Variants in TTLL8 observed in about 807,000 individuals in gnomAD.
TTLL8 encodes the protein tubulin tyrosine ligase like 8.
In TTLL8, 65 loss-of-function variants were observed where a neutral mutation model predicts 77.8. That is an observed-to-expected ratio of 0.84 (90% confidence interval 0.68 to 1.03). The LOEUF is 1.03. Among genes scored for constraint, TTLL8 ranks in the 50% least tolerant of loss-of-function variants. The pLI is 0.00. For synonymous variants in TTLL8, 402 were observed against 422.8 expected (o/e 0.95, Z 0.60); for missense variants, 910 against 1,004.5 (o/e 0.91, Z 1.27).
chr22:50,031,437 GCGGGGCCGCTC>G (rs2061291205), intron 11 of TTLL8, among the ~76,000 whole-genome samples: 1 of 152,164 alleles, frequency 6.6e-6, no homozygotes, highest in African/African-American at 2.4e-5. Flanking sequence ...GCCTGAGTGA[GCGGGGCCGCTC>G]CGCCCGCACG....
chr22:50,031,482 G>C, intron 11 of TTLL8: 1 of 932,670 alleles, frequency 1.1e-6, no homozygotes, highest in Non-Finnish European at 1.3e-6. Context: ...CTTCCTCGGT[G>C]CCGACGAGGC....
At chr22:50,040,422 C>T (rs982898337) in intron 8 of TTLL8, among the ~76,000 whole-genome samples, 1 of 152,244 alleles carries the variant, frequency 6.6e-6, no homozygotes, top group East Asian at 1.9e-4. Flanking sequence ...AAGTCATAAA[C>T]GAGAGAGCAC....
At chr22:50,039,626 G>GT (rs1569228081) in intron 8 of TTLL8, among the ~76,000 whole-genome samples, 1 of 152,240 alleles carries the variant, frequency 6.6e-6, no homozygotes, top group East Asian at 1.9e-4. Context: ...AACAAAACTC[G>GT]TAACTACAGA....
rs753234246 is a variant in TTLL8 at position 50,041,177 on chromosome 22, CAA to C, written c.921+8_921+9del. The C allele has an allele frequency of 4.6e-6, 2 of 431,212 alleles. No individual in the cohort carries two copies. The highest frequency in any genetic ancestry group is 1.7e-4 in the East Asian group (2 of 11,934). The allele number at this position is 431,212 out of a possible 1,614,324, so 26.7% of individuals were successfully genotyped here. A position where few individuals can be genotyped will look rare whatever the true frequency, so the allele number is the denominator to read the frequency against. On this transcript the variant is annotated splice_region_variant and intron_variant, in intron 8 of 13. Coordinates refer to ENST00000266182, the Ensembl canonical transcript of TTLL8. The surrounding 1 kb of genome is among the most constrained non-coding windows in gnomAD (Gnocchi z 4.3). ...GCAGGTGCCCCAGTGGAGAGACAGACAAACCCCACCTGCCTGTCTCGGGCTGT... is the reference window on the plus strand; with the variant it reads ...GCAGGTGCCCCAGTGGAGAGACAGACACCCCACCTGCCTGTCTCGGGCTGT...
intron 8 of TTLL8, among the ~76,000 whole-genome samples, chr22:50,038,666 A>C (rs1041530173): frequency 2.6e-5 from 4 of 152,184 alleles, no homozygotes; most frequent in African/African-American, 4.8e-5. Context: ...TTAAAAAATT[A>C]GCCAGTGTGG....
At chr22:50,050,294 GA>G (rs2061437614) in intron 1 of TTLL8, 47 bp from the exon 4 acceptor site, 1 of 1,286,196 alleles carries the variant, frequency 7.8e-7, no homozygotes. Context: ...CATTTTTGGG[GA>G]ATAGGCAGAT....
chr22:50,027,437 G>A (rs1393699512), intron 12 of TTLL8, among the ~76,000 whole-genome samples: 1 of 151,622 alleles, frequency 6.6e-6, no homozygotes, highest in Non-Finnish European at 1.5e-5. Flanking sequence ...AGGAGGCTGA[G>A]GCAGGAGAAT....
At chr22:50,019,452 A>C (rs978174077) in intron 12 of TTLL8, among the ~76,000 whole-genome samples, 1 of 152,176 alleles carries the variant, frequency 6.6e-6, no homozygotes, top group African/African-American at 2.4e-5. Context: ...TGGCCAGTAG[A>C]ATATAGGGGC....
intron 8 of TTLL8, among the ~76,000 whole-genome samples, chr22:50,037,226 A>C (rs1408017568): frequency 6.7e-6 from 1 of 149,464 alleles, no homozygotes; most frequent in Non-Finnish European, 1.5e-5. Context: ...TTTTTTTGAG[A>C]CAGAGTCTTG....
chr22:50,022,211 T>G lies in TTLL8; in HGVS notation c.2204-5649A>C, dbSNP rs550265995. On this transcript the variant is annotated intron_variant, in intron 12 of 13. Transcript: ENST00000266182. ...CACTCCTCCATCTGACGACGTGCAC[T>G]CCTACATCTGACATGCACTCCTCCT... is the stretch of plus-strand genomic sequence containing the variant. 2.0e-5 allele frequency among the ~76,000 whole-genome samples: 3 copies of G among 151,480 alleles called. No homozygotes were observed. The East Asian group carries it at 5.9e-4, about 30-fold the overall frequency.
intron 8 of TTLL8, among the ~76,000 whole-genome samples, chr22:50,040,710 CAAG>C (rs1195032194): frequency 6.6e-6 from 1 of 152,218 alleles, no homozygotes; most frequent in African/African-American, 2.4e-5. Context: ...GATTAATTCA[CAAG>C]AAGAAGAAAG....
At chr22:50,026,154 G>A (rs2092630600) in intron 12 of TTLL8, among the ~76,000 whole-genome samples, 1 of 152,166 alleles carries the variant, frequency 6.6e-6, no homozygotes, top group Non-Finnish European at 1.5e-5. Flanking sequence ...GACCAGGCGG[G>A]CTCTGGCACA....
Position 50,046,077 on chromosome 22 carries a change from C to T in TTLL8, c.394-107G>A, listed in dbSNP as rs1330399086. On this transcript the variant is annotated intron_variant, in intron 4 of 13. Transcript: ENST00000266182. Reference sequence around the variant, plus strand: ...ACCTCAGACTTGCCTGGCTATGGGGCACCACACAGCACCCCTAGGGCGGAT... The same window carrying T: ...ACCTCAGACTTGCCTGGCTATGGGGTACCACACAGCACCCCTAGGGCGGAT... 19 of 974,902 alleles carry T rather than the reference C, an allele frequency of 1.9e-5. No individual in the cohort carries two copies. The South Asian group carries it at 2.0e-4, about 11-fold the overall frequency. 60.4% of individuals were successfully genotyped at this position (974,902 alleles called of 1,614,324 possible).
At chr22:50,045,056 C>T (rs376723600) in intron 6 of TTLL8, 199 bp downstream of exon 8, 12 of 336,392 alleles carry the variant, frequency 3.6e-5, no homozygotes, top group South Asian at 1.2e-4. Context: ...GCTTTACAAA[C>T]GGGGTGACTT....
intron 10 of TTLL8, among the ~76,000 whole-genome samples, chr22:50,032,921 TC>T (rs901986085): frequency 2.0e-5 from 3 of 151,994 alleles, no homozygotes; most frequent in African/African-American, 4.8e-5. Flanking sequence ...ACCATTCCAA[TC>T]CCCCTGGGCA....
chr22:50,057,443 G>T (rs1163860249), upstream of TTLL8, among the ~76,000 whole-genome samples: 1 of 74,928 alleles, frequency 1.3e-5, no homozygotes, highest in Non-Finnish European at 2.6e-5. Flanking sequence ...GGTCTGGGTT[G>T]GGGGTCAGGT....
rs576923762 is a variant in TTLL8 at position 50,037,597 on chromosome 22, G to A, written c.922-3135C>T. Among the ~76,000 whole-genome samples, 19 of 150,956 alleles carry A rather than the reference G, an allele frequency of 1.3e-4. No homozygotes were observed. The South Asian group carries it at 2.3e-3, about 18-fold the overall frequency. On this transcript the variant is annotated intron_variant, in intron 8 of 13. Coordinates refer to ENST00000266182, the Ensembl canonical transcript of TTLL8. The stretch of plus-strand genomic sequence containing the variant: ...AGAATTCAAGGTACATTTTTTTTTC[G>A]TATGGCTGACCACTGTTTAAGCATC...
intron 1 of TTLL8, among the ~76,000 whole-genome samples, chr22:50,051,847 T>C (rs927295896): frequency 1.3e-5 from 2 of 152,164 alleles, no homozygotes; most frequent in Admixed American, 6.6e-5. Flanking sequence ...AGTCAAGGAA[T>C]TGAAAAATAA....
At chr22:50,022,455 G>A (rs1021831250) in intron 12 of TTLL8, among the ~76,000 whole-genome samples, 10 of 125,852 alleles carry the variant, frequency 7.9e-5, no homozygotes, top group South Asian at 5.1e-4. Context: ...CTGATGATGT[G>A]TACTCCTCCA....
Sources: gnomAD v4.1 joint callset for allele counts (sites outside exome capture counted in the v4.1 genomes callset) on GRCh38, gnomAD v4.1.1 for gene constraint, Gnocchi (gnomAD v3.1) non-coding constraint, MANE v1.5 for transcripts, NCBI Gene and HGNC (gene_info 2026-07-23, HGNC 2026-07-21) for gene names.